Variants in ARHGAP24 observed in about 807,000 individuals in gnomAD.
ARHGAP24 encodes rho GTPase-activating protein 24.
A neutral mutation model predicts 76.4 loss-of-function variants in ARHGAP24; 50 were observed. That is an observed-to-expected ratio of 0.65 (90% CI 0.52 to 0.83). ARHGAP24 has a LOEUF of 0.83. ARHGAP24 is among the 40% of genes least tolerant of loss of function. ARHGAP24 has a pLI of 0.00. For synonymous variants in ARHGAP24, 345 were observed against 323.3 expected (o/e 1.07, Z -0.72); for missense variants, 930 against 914.2 (o/e 1.02, Z -0.22).
intron 2 of ARHGAP24, among the ~76,000 whole-genome samples, chr4:85,701,133 T>TCCTTACATTTCATGTCTTATCTGGTCA (rs1724071162): frequency 6.6e-6 from 1 of 152,200 alleles, no homozygotes; most frequent in African/African-American, 2.4e-5. Flanking sequence ...AAAGGAGATG[T>TCCTTACATTTCATGTCTTATCTGGTCA]GATAGTAACC....
chr4:85,657,097 G>A (rs910657754), intron 2 of ARHGAP24, among the ~76,000 whole-genome samples: 5 of 152,056 alleles, frequency 3.3e-5, no homozygotes, highest in African/African-American at 7.2e-5. Flanking sequence ...TTTTTGTCTC[G>A]TTTTTATTTT....
intron 5 of ARHGAP24, among the ~76,000 whole-genome samples, chr4:85,965,702 T>C (rs1013681400): frequency 2.6e-5 from 4 of 152,164 alleles, no homozygotes; most frequent in Non-Finnish European, 5.9e-5. Context: ...CCAGATCAAT[T>C]ATACCAGAAT....
chr4:85,477,926 C>T (rs946480581), intron 1 of ARHGAP24, among the ~76,000 whole-genome samples: 1 of 152,174 alleles, frequency 6.6e-6, no homozygotes, highest in African/African-American at 2.4e-5. Context: ...AATTTTCTGA[C>T]CAGCAGTGAA....
At chr4:85,643,701 G>A (rs1158493578) in intron 2 of ARHGAP24, among the ~76,000 whole-genome samples, 1 of 152,100 alleles carries the variant, frequency 6.6e-6, no homozygotes, top group Non-Finnish European at 1.5e-5. Flanking sequence ...TCAGGGGAGT[G>A]CAAGTTTACA....
intron 2 of ARHGAP24, among the ~76,000 whole-genome samples, chr4:85,716,197 G>C (rs992478285): frequency 2.6e-5 from 4 of 151,946 alleles, no homozygotes; most frequent in Admixed American, 2.6e-4. Context: ...ATTTTCAACA[G>C]CATCTACCCT....
intron 2 of ARHGAP24, among the ~76,000 whole-genome samples, chr4:85,607,754 TCAAAA>T (rs1560550481): frequency 1.4e-5 from 2 of 141,912 alleles, no homozygotes; most frequent in East Asian, 2.1e-4. Context: ...TGAGGAAGTA[TCAAAA>T]ATACTTCCTC....
chr4:85,838,780 C>T (rs1371259886), intron 3 of ARHGAP24, among the ~76,000 whole-genome samples: 2 of 152,044 alleles, frequency 1.3e-5, no homozygotes, highest in African/African-American at 4.8e-5. Context: ...CACACCTTCC[C>T]TCCCCCACTA....
chr4:86,000,080 CT>C lies in ARHGAP24; in HGVS notation c.2004-383del, dbSNP rs35831725. 9.9e-3 allele frequency: 1,415 copies of C among 143,408 alleles called. 4 individuals carry two copies. The highest frequency in any genetic ancestry group is 0.015 in the Non-Finnish European group (1,032 of 67,450). 8.9% of individuals were successfully genotyped at this position (143,408 alleles called of 1,614,324 possible). ...TATAGAAGGCAAATGTTATTGCCCT[CT>C]TTTTTTTTTTTTTTTGTTAACTATC... is the stretch of plus-strand genomic sequence containing the variant. On this transcript the variant is annotated intron_variant, in intron 9 of 9. Coordinates refer to ENST00000395184, the MANE Select transcript of ARHGAP24 (RefSeq NM_001025616.3).
At chr4:85,992,617 G>T (rs369742191) in intron 8 of ARHGAP24, among the ~76,000 whole-genome samples, 1 of 152,126 alleles carries the variant, frequency 6.6e-6, no homozygotes, top group East Asian at 1.9e-4. Context: ...GTGTGTCTGC[G>T]TGTGGGCAAA....
chr4:85,528,688 A>C (rs192613206), intron 1 of ARHGAP24, among the ~76,000 whole-genome samples: 23 of 152,190 alleles, frequency 1.5e-4, no homozygotes, highest in African/African-American at 5.3e-4. Context: ...TTGTTAAGTA[A>C]AGTTCAAACA....
intron 3 of ARHGAP24, among the ~76,000 whole-genome samples, chr4:85,903,817 T>C (rs1734625526): frequency 6.6e-6 from 1 of 152,114 alleles, no homozygotes; most frequent in South Asian, 2.1e-4. Context: ...AAAATCAATA[T>C]TTCCCAAAAT....
At chr4:85,647,109 C>T (rs1721752432) in intron 2 of ARHGAP24, among the ~76,000 whole-genome samples, 1 of 152,004 alleles carries the variant, frequency 6.6e-6, no homozygotes, top group African/African-American at 2.4e-5. Context: ...ATTTGGAGGA[C>T]ATTTTCTAGT....
rs1431784754 is a variant in ARHGAP24, at chr4:85,639,717, G to A, written c.180+68996G>A. On this transcript the variant is annotated intron_variant, in intron 2 of 9. Coordinates refer to ENST00000395184, the MANE Select transcript of ARHGAP24 (RefSeq NM_001025616.3). ...GGAATAATTGGTAAAAAAAAAAAAA[G>A]GAGGGGAGAAGTTTGCCTTTTTTTC... Among the ~76,000 whole-genome samples, 5 of 138,790 alleles carry A rather than the reference G, an allele frequency of 3.6e-5. No individual in the cohort carries two copies. The East Asian group carries it at 1.3e-3, about 35-fold the overall frequency. The allele number at this position is 138,790 out of a possible 152,430, so 91.1% of individuals were successfully genotyped here.
At chr4:85,584,666 A>AT (rs1727772168) in intron 2 of ARHGAP24, among the ~76,000 whole-genome samples, 1 of 152,178 alleles carries the variant, frequency 6.6e-6, no homozygotes, top group South Asian at 2.1e-4. Context: ...AAATATAGGT[A>AT]TAAAAATAAG....
At chr4:85,653,176 C>T (rs1560570589) in intron 2 of ARHGAP24, among the ~76,000 whole-genome samples, 3 of 152,124 alleles carry the variant, frequency 2.0e-5, no homozygotes, top group Non-Finnish European at 2.9e-5. Flanking sequence ...TGAAAAATAA[C>T]TATGATCTTG....
intron 1 of ARHGAP24, among the ~76,000 whole-genome samples, chr4:85,529,855 G>A (rs896723463): frequency 2.0e-4 from 31 of 151,836 alleles, no homozygotes; most frequent in Middle Eastern, 6.8e-3. Flanking sequence ...TGACTATGAG[G>A]GTTATTCCTT....
rs1202943472 is a variant in ARHGAP24 at position 85,865,484 on chromosome 4, AAAT to A, written c.269-58158_269-58156del. Among the ~76,000 whole-genome samples, 14 of 147,472 alleles carry A rather than the reference AAAT, an allele frequency of 9.5e-5. No homozygotes were observed. The South Asian group carries it at 2.3e-3, about 24-fold the overall frequency. Reference sequence around the variant, plus strand: ...ATAATAAATAATTAGTAGTATAAACAAATAATAAATAATTTAAATAAAAAACAA... The same window carrying A: ...ATAATAAATAATTAGTAGTATAAACAAATAAATAATTTAAATAAAAAACAA... On this transcript the variant is annotated intron_variant, in intron 3 of 9. Coordinates refer to ENST00000395184, the MANE Select transcript of ARHGAP24 (RefSeq NM_001025616.3).
intron 2 of ARHGAP24, among the ~76,000 whole-genome samples, chr4:85,709,927 A>G (rs1724462627): frequency 6.6e-6 from 1 of 152,234 alleles, no homozygotes; most frequent in Non-Finnish European, 1.5e-5. Context: ...TATCATTAAA[A>G]TGGCCATATT....
intron 3 of ARHGAP24, among the ~76,000 whole-genome samples, chr4:85,783,169 G>A (rs1727642008): frequency 6.6e-6 from 1 of 152,092 alleles, no homozygotes; most frequent in South Asian, 2.1e-4. Context: ...AAGGTCTCAA[G>A]TGTTATTCTA....
Sources: gnomAD v4.1 joint callset for allele counts (sites outside exome capture counted in the v4.1 genomes callset) on GRCh38, gnomAD v4.1.1 for gene constraint, MANE v1.5 for transcripts, NCBI Gene and HGNC (gene_info 2026-07-23, HGNC 2026-07-21) for gene names.